Variants in RPTOR observed in about 807,000 individuals in gnomAD.
The protein encoded by RPTOR is regulatory-associated protein of mTOR.
Under a neutral mutation model 169.9 loss-of-function variants are expected in RPTOR, and 21 were observed. That is an observed-to-expected ratio of 0.12 (90% CI 0.09 to 0.18). The LOEUF (loss-of-function observed/expected upper bound fraction) is 0.18, where lower values mean the gene tolerates loss of function less well. Among genes scored for constraint, RPTOR ranks in the 10% least tolerant of loss-of-function variants. RPTOR has a pLI of 1.00. For synonymous variants in RPTOR, 732 were observed against 753.2 expected (o/e 0.97, Z 0.46); for missense variants, 1,133 against 1,855.9 (o/e 0.61, Z 7.16).
At chr17:80,871,854 A>G (rs922068503) in intron 13 of RPTOR, among the ~76,000 whole-genome samples, 6 of 152,082 alleles carry the variant, frequency 3.9e-5, no homozygotes, top group Non-Finnish European at 7.4e-5. Context: ...CTGCAGTACC[A>G]TCTTCCAGCT....
chr17:80,610,651 G>A (rs1480007919), intron 1 of RPTOR, among the ~76,000 whole-genome samples: 1 of 152,166 alleles, frequency 6.6e-6, no homozygotes, highest in Non-Finnish European at 1.5e-5. Flanking sequence ...ACTTCCTGAT[G>A]TGATCCTTCA....
rs1301063479 is a variant in RPTOR at position 80,562,185 on chromosome 17, G to C, written c.162+16394G>C. On this transcript the variant is annotated intron_variant, in intron 1 of 33. Transcript: ENST00000306801. This position sits in a 1 kb window ranked among gnomAD's most constrained non-coding sequence, Gnocchi z 4.4. The stretch of plus-strand genomic sequence containing the variant: ...GGTGACTGCTTGGGTGCAGGAGGAT[G>C]CAGGGTGACACGCAGCCTCCTAACT... Among the ~76,000 whole-genome samples, 6 of 152,148 alleles carry C rather than the reference G, an allele frequency of 3.9e-5. No individual in the cohort carries two copies. Among genetic ancestry groups the C allele is most frequent in the African/African-American group, 1.4e-4 (6 of 41,428 alleles).
intron 20 of RPTOR, among the ~76,000 whole-genome samples, chr17:80,908,102 G>A (rs186543667): frequency 1.3e-5 from 2 of 151,430 alleles, no homozygotes; most frequent in East Asian, 1.9e-4. Context: ...CCGCACCGAC[G>A]AATCCTCACC....
intron 25 of RPTOR, among the ~76,000 whole-genome samples, chr17:80,941,594 C>T (rs1435033048): frequency 6.6e-6 from 1 of 152,222 alleles, no homozygotes; most frequent in Non-Finnish European, 1.5e-5. Flanking sequence ...CTCAAGCTGC[C>T]CCCAACCAAA....
At chr17:80,771,601 T>C (rs1171889366) in intron 6 of RPTOR, among the ~76,000 whole-genome samples, 1 of 151,896 alleles carries the variant, frequency 6.6e-6, no homozygotes, top group East Asian at 1.9e-4. Context: ...TTTACCCTGG[T>C]TGTTTGTGTT....
chr17:80,954,597 G>T (rs2069225271), intron 28 of RPTOR, among the ~76,000 whole-genome samples: 1 of 152,236 alleles, frequency 6.6e-6, no homozygotes, highest in Non-Finnish European at 1.5e-5. Context: ...AAGAATGTAT[G>T]TATGCCAGCA....
chr17:80,859,809 T>G (rs776670832), intron 13 of RPTOR, among the ~76,000 whole-genome samples: 6 of 152,230 alleles, frequency 3.9e-5, no homozygotes, highest in Non-Finnish European at 7.3e-5. Flanking sequence ...CAAAGTCTCT[T>G]AATTCCTAAG....
chr17:80,665,491 TCC>T, intron 3 of RPTOR, among the ~76,000 whole-genome samples: 1 of 48,576 alleles, frequency 2.1e-5, no homozygotes, highest in Non-Finnish European at 3.8e-5. Flanking sequence ...TCCTTTCCTT[TCC>T]TTTCCTTTCC....
At chr17:80,629,816 C>A (rs2065428648) in intron 2 of RPTOR, among the ~76,000 whole-genome samples, 1 of 151,988 alleles carries the variant, frequency 6.6e-6, no homozygotes, top group Non-Finnish European at 1.5e-5. Context: ...TGGGACTCAG[C>A]TCTCTATGTT....
At chr17:80,595,051 GA>G (rs2065135149) in intron 1 of RPTOR, among the ~76,000 whole-genome samples, 1 of 152,106 alleles carries the variant, frequency 6.6e-6, no homozygotes, top group Non-Finnish European at 1.5e-5. Flanking sequence ...GAGAGAGAGA[GA>G]GGGAGAGAGA....
At position 80,738,300 on chromosome 17, in the gene RPTOR, A is replaced by G. The variant is rs2066451957; in HGVS notation, c.654+7594A>G. On this transcript the variant is annotated intron_variant, in intron 5 of 33. Coordinates refer to ENST00000306801, the MANE Select transcript of RPTOR (RefSeq NM_020761.3). Reference sequence around the variant, plus strand: ...CATTTGTGCCGTTTCATCCATCTTTAGTCTGCGCAGCTGAGCTGAATGTGG... The same window carrying G: ...CATTTGTGCCGTTTCATCCATCTTTGGTCTGCGCAGCTGAGCTGAATGTGG... 2.0e-5 allele frequency among the ~76,000 whole-genome samples: 3 copies of G among 152,168 alleles called. No homozygotes were observed. In the South Asian group the frequency reaches 6.2e-4, roughly 32 times the overall value.
chr17:80,869,928 G>A lies in RPTOR; in HGVS notation c.1510-10487G>A, dbSNP rs115692477. 2.5e-3 allele frequency among the ~76,000 whole-genome samples: 385 copies of A among 152,296 alleles called. 1 individual carries two copies. Among genetic ancestry groups the A allele is most frequent in the African/African-American group, 8.9e-3 (369 of 41,554 alleles). Reference sequence around the variant, plus strand: ...CAGAACTTCATGATGAGAAAGTCCAGGAGATGTGGCCACAGCTGTCTTCCG... The same window carrying A: ...CAGAACTTCATGATGAGAAAGTCCAAGAGATGTGGCCACAGCTGTCTTCCG... On this transcript the variant is annotated intron_variant, in intron 13 of 33. Transcript: ENST00000306801.
chr17:80,587,777 T>G (rs2065073678), intron 1 of RPTOR, among the ~76,000 whole-genome samples: 1 of 151,912 alleles, frequency 6.6e-6, no homozygotes, highest in African/African-American at 2.4e-5. Flanking sequence ...TATGTATCTT[T>G]TTTTTTTTTG....
chr17:80,615,154 C>A (rs779295125), intron 1 of RPTOR, among the ~76,000 whole-genome samples: 1 of 152,116 alleles, frequency 6.6e-6, no homozygotes. Context: ...CCAGAAGACC[C>A]GAGAGCCGGT....
rs1394609747 is a variant in RPTOR at position 80,643,725 on chromosome 17, C to T, written c.266-3C>T. 10 of 1,611,926 alleles carry T rather than the reference C, an allele frequency of 6.2e-6. No homozygotes were observed. Among genetic ancestry groups the T allele is most frequent in the Non-Finnish European group, 8.5e-6 (10 of 1,178,782 alleles). On this transcript the variant is annotated splice_region_variant and splice_polypyrimidine_tract_variant and intron_variant, in intron 2 of 33. Transcript: ENST00000306801. ...AACTTTCTCTTTTCCATTGCTTCCT[C>T]AGATCCTCTGTCGATGGGTCCTCAG... is the stretch of plus-strand genomic sequence containing the variant.
intron 6 of RPTOR, among the ~76,000 whole-genome samples, chr17:80,774,484 G>A (rs899954179): frequency 1.3e-5 from 2 of 152,212 alleles, no homozygotes; most frequent in African/African-American, 2.4e-5. Context: ...GATGCTCCGC[G>A]TGCGGCCGTC....
intron 6 of RPTOR, among the ~76,000 whole-genome samples, chr17:80,762,557 G>A (rs946247190): frequency 3.9e-5 from 6 of 152,198 alleles, no homozygotes; most frequent in African/African-American, 1.4e-4. Context: ...CCGCCCTTGT[G>A]AAAAGAGAAG....
intron 4 of RPTOR, among the ~76,000 whole-genome samples, chr17:80,713,378 G>A (rs1019342001): frequency 2.0e-5 from 3 of 152,108 alleles, no homozygotes; most frequent in African/African-American, 7.2e-5. Context: ...TATGTGTTTC[G>A]CAAATATGTC....
At chr17:80,654,636 G>C (rs777129633) in intron 3 of RPTOR, among the ~76,000 whole-genome samples, 2 of 152,214 alleles carry the variant, frequency 1.3e-5, no homozygotes, top group Non-Finnish European at 2.9e-5. Context: ...TGTGTGGCAG[G>C]CTCCTTAATC....
Sources: allele counts gnomAD v4.1 joint callset (sites outside exome capture counted in the v4.1 genomes callset), GRCh38; gene constraint gnomAD v4.1.1; non-coding constraint Gnocchi (gnomAD v3.1); transcripts MANE v1.5; gene names NCBI Gene and HGNC (gene_info 2026-07-23, HGNC 2026-07-21).